The following SMARCC2 variants were observed in gnomAD, a reference collection of about 807,000 sequenced individuals.
SMARCC2 encodes the protein SWI/SNF complex subunit SMARCC2.
A neutral mutation model predicts 151.3 loss-of-function variants in SMARCC2; 15 were observed. The observed-to-expected ratio is 0.10, with a 90% CI of 0.07 to 0.15. The LOEUF is 0.15. Ranked by LOEUF, SMARCC2 falls within the 10% of genes least tolerant of loss-of-function variation. SMARCC2 has a pLI of 1.00. For missense variants in SMARCC2, 1,031 were observed against 1,599.7 expected (o/e 0.64, Z 6.06); for synonymous variants, 590 against 609.5 (o/e 0.97, Z 0.47).
At chr12:56,173,099 A>G in intron 17 of SMARCC2, 70 bp from the exon 18 acceptor site, 1 of 1,417,822 alleles carries the variant, frequency 7.1e-7, no homozygotes. Context: ...GGAGGCCTCA[A>G]GACCATATGC....
Position 56,174,743 on chromosome 12 carries a change from A to G in SMARCC2, c.1404T>C (p.Phe468=). 2 of 1,613,354 alleles carry G rather than the reference A, an allele frequency of 1.2e-6. No individual in the cohort carries two copies. The highest frequency in any genetic ancestry group is 1.1e-5 in the South Asian group (1 of 91,062). ...GGTTCAGTCGGTAAGTGTCAATCAT[A>G]AAGTTTCGATAGGCCAGGTAGCTTA... ...TPEIYLAYRN[F]MIDTYRLNPQ... is the part of the protein sequence containing the mutation. Residue 468 remains phenylalanine, a synonymous_variant, in exon 16 of 29, where the codon TTT becomes TTC. Transcript: ENST00000550164.
rs1874132968 is a variant in SMARCC2 at position 56,172,490 on chromosome 12, T to C, written c.1864A>G (p.Ser622Gly). 4 of 1,603,590 alleles carry C rather than the reference T, an allele frequency of 2.5e-6. No homozygotes were observed. The highest frequency in any genetic ancestry group is 3.4e-6 in the Non-Finnish European group (4 of 1,173,342). Residue 622 changes from serine to glycine, a missense_variant and splice_region_variant, in exon 20 of 29, where the codon AGC becomes GGC. Around this residue, in one of 12 missense-constraint regions of SMARCC2, gnomAD observed 99 missense variants for 148.3 expected, o/e 0.67. Coordinates refer to ENST00000550164, the MANE Select transcript of SMARCC2 (RefSeq NM_001330288.2). ...CGAGTGGCACTGGCTGCAGCCTTGC[T>C]CTGCAGGGGAAACACAGGCAGGTGA... ...MYTKKNVPSKSKAAASATREW... is the reference protein window; with the variant it reads ...MYTKKNVPSKGKAAASATREW...
chr12:56,172,919 G>A lies in SMARCC2; in HGVS notation c.1743+18C>T. On this transcript the variant is annotated intron_variant, in intron 18 of 28. Coordinates refer to ENST00000550164, the MANE Select transcript of SMARCC2 (RefSeq NM_001330288.2). ...AAGGGGAAAATGAGCAGCCCAGCAG[G>A]GTCTGCACCCCACCTACCAGCTCTG... 6.2e-7 allele frequency: 1 copy of A among 1,610,716 alleles called. No individual in the cohort carries two copies. Among genetic ancestry groups the A allele is most frequent in the Non-Finnish European group, 8.5e-7 (1 of 1,178,894 alleles).
chr12:56,164,831 C>T, intron 27 of SMARCC2, 100 bp from the exon 28 acceptor site: 5 of 1,032,184 alleles, frequency 4.8e-6, no homozygotes, highest in Non-Finnish European at 7.0e-6. Context: ...ACTCTGTCAC[C>T]AGGCTGGAGT....
rs541630066 is a variant in SMARCC2 at position 56,164,495 on chromosome 12, C to T, written c.3469G>A (p.Ala1157Thr). 6.8e-6 allele frequency: 11 copies of T among 1,614,058 alleles called. No individual in the cohort carries two copies. Among genetic ancestry groups the T allele is most frequent in the Admixed American group, 1.7e-5 (1 of 60,010 alleles). The change falls in exon 28 of 29, where the codon GCC becomes ACC. Residue 1157 changes from alanine (A) to threonine (T), a missense_variant. Transcript: ENST00000550164. ...LHGHHHHLPF[A>T]PGTLPPPNLP... Reference sequence around the variant, plus strand: ...TTAGGTGGGGGGAGAGTGCCCGGGGCGAACGGGAGATGGTGGTGATGCCCA... The same window carrying T: ...TTAGGTGGGGGGAGAGTGCCCGGGGTGAACGGGAGATGGTGGTGATGCCCA...
In SMARCC2 at chr12:56,178,807, C is replaced by T. The variant is rs769261284; in HGVS notation, c.1179+3G>A. ...AGGTAGGGCCTCTCTAAACTGGCTC[C>T]ACCTTGCCCGTCGTCTCCATGCTTT... On this transcript the variant is annotated splice_donor_region_variant and intron_variant, in intron 13 of 28. Transcript: ENST00000550164. 12 of 1,613,820 alleles carry T rather than the reference C, an allele frequency of 7.4e-6. No individual in the cohort carries two copies. The South Asian group carries it at 1.2e-4, about 16-fold the overall frequency.
intron 11 of SMARCC2, among the ~76,000 whole-genome samples, chr12:56,180,270 A>G (rs1875909645): frequency 6.6e-6 from 1 of 150,922 alleles, no homozygotes. Context: ...CACCACGCTC[A>G]GCTAATTTTT....
intron 24 of SMARCC2, 22 bp downstream of exon 24, chr12:56,169,754 C>T (rs771369573): frequency 8.1e-6 from 13 of 1,614,128 alleles, no homozygotes; most frequent in Non-Finnish European, 1.1e-5. Context: ...TGCACCCCCA[C>T]CTACCCTTGT....
chr12:56,162,549 C>A lies in SMARCC2; in HGVS notation c.*1140G>T, dbSNP rs1872023473. The A allele has an allele frequency of 4.0e-6, 2 of 497,006 alleles. No homozygotes were observed. Among genetic ancestry groups the A allele is most frequent in the African/African-American group, 3.9e-5 (2 of 51,188 alleles). The allele number at this position is 497,006 out of a possible 1,614,324, so 30.8% of individuals were successfully genotyped here. On this transcript the variant is annotated 3_prime_UTR_variant, in exon 29 of 29. Coordinates refer to ENST00000550164, the MANE Select transcript of SMARCC2 (RefSeq NM_001330288.2). ...AGTGCAGAGCCTGGAGTCACACCTGCCTTCCCGTCACAGGGGAGAAGCTGG... is the reference window on the plus strand; with the variant it reads ...AGTGCAGAGCCTGGAGTCACACCTGACTTCCCGTCACAGGGGAGAAGCTGG...
chr12:56,176,805 T>TA (rs1469014633), intron 15 of SMARCC2, among the ~76,000 whole-genome samples: 8 of 151,198 alleles, frequency 5.3e-5, no homozygotes, highest in Admixed American at 4.6e-4. Flanking sequence ...CACGCCCGGC[T>TA]AATTTTTTTT....
chr12:56,183,966 T>C (rs1555224190), intron 6 of SMARCC2, 36 bp from the exon 7 acceptor site: 1 of 1,500,252 alleles, frequency 6.7e-7, no homozygotes, highest in South Asian at 1.1e-5. Flanking sequence ...AGATATAAGC[T>C]AAAGGGGGAC....
intron 26 of SMARCC2, among the ~76,000 whole-genome samples, chr12:56,165,923 G>A (rs1403667495): frequency 6.6e-6 from 1 of 152,174 alleles, no homozygotes; most frequent in African/African-American, 2.4e-5. Flanking sequence ...TTATTGCAAT[G>A]ACTTTAACCT....
In SMARCC2 at chr12:56,165,392, G is replaced by A; in HGVS notation, c.3158C>T (p.Pro1053Leu). The A allele has an allele frequency of 4.0e-6, 6 of 1,507,108 alleles. No homozygotes were observed. Among genetic ancestry groups the A allele is most frequent in the Non-Finnish European group, 5.3e-6 (6 of 1,130,788 alleles). The allele number at this position is 1,507,108 out of a possible 1,614,324, so 93.4% of individuals were successfully genotyped here. A position where few individuals can be genotyped will look rare whatever the true frequency, so the allele number is the denominator to read the frequency against. The change falls in exon 27 of 29, where the codon CCA becomes CTA. Residue 1053 changes from proline to leucine, a missense_variant. By Grantham distance (98) the Pro-to-Leu change is moderately conservative. Coordinates refer to ENST00000550164, the MANE Select transcript of SMARCC2 (RefSeq NM_001330288.2). ...QIGQAGSTAG[P>L]QQQQPAGAPQ... ...GGCTCCAGCTGGTTGCTGCTGCTGT[G>A]GCCCTGCAGTTGACCCTGCCTGCCC...
intron 7 of SMARCC2, 108 bp from the exon 8 acceptor site, chr12:56,182,187 CTTAT>C (rs1390598722): frequency 1.4e-6 from 1 of 706,136 alleles, no homozygotes; most frequent in Non-Finnish European, 2.3e-6. Context: ...GGGTTCTTGG[CTTAT>C]TTTTTTTGTA....
chr12:56,181,907 A>G (rs1876286738), intron 8 of SMARCC2, 72 bp from the exon 9 acceptor site: 2 of 1,604,118 alleles, frequency 1.2e-6, no homozygotes, highest in Middle Eastern at 1.7e-4. Context: ...CCCTTAACAG[A>G]AAAAGCTCAA....
chr12:56,173,901 CGAGG>C, intron 16 of SMARCC2, 52 bp from the exon 17 acceptor site: 2 of 1,541,070 alleles, frequency 1.3e-6, no homozygotes, highest in African/African-American at 2.7e-5. Context: ...GAAAGGTGCA[CGAGG>C]AAGAGGAAAA....
intron 27 of SMARCC2, 112 bp from the exon 28 acceptor site, chr12:56,164,843 C>T (rs978080321): frequency 1.7e-5 from 16 of 918,384 alleles, no homozygotes; most frequent in Admixed American, 5.4e-5. Context: ...GGCTGGAGTG[C>T]AGTGGCACGA....
Position 56,186,256 on chromosome 12 carries a change from A to C in SMARCC2, c.232-16T>G. On this transcript the variant is annotated splice_polypyrimidine_tract_variant and intron_variant, in intron 2 of 28. Transcript: ENST00000550164. ...AACATTTGATCTACAAAATCAAGATACGGAAAAAGCATGTCAAGGTTCCAC... is the reference window on the plus strand; with the variant it reads ...AACATTTGATCTACAAAATCAAGATCCGGAAAAAGCATGTCAAGGTTCCAC... The C allele has an allele frequency of 6.5e-7, 1 of 1,534,766 alleles. No individual in the cohort carries two copies. The highest frequency in any genetic ancestry group is 9.0e-7 in the Non-Finnish European group (1 of 1,107,868).
At chr12:56,173,061 G>A (rs754560467) in intron 17 of SMARCC2, 32 bp from the exon 18 acceptor site, 3 of 1,606,964 alleles carry the variant, frequency 1.9e-6, no homozygotes, top group South Asian at 2.2e-5. Flanking sequence ...CATGGAGGCT[G>A]GGCAGGAAAT....
Sources: gnomAD v4.1 joint callset for allele counts (sites outside exome capture counted in the v4.1 genomes callset) on GRCh38, gnomAD v4.1.1 for gene constraint, gnomAD v4.1.1 regional missense constraint, MANE v1.5 for transcripts, NCBI Gene and HGNC (gene_info 2026-07-23, HGNC 2026-07-21) for gene names.